The following ANKFN1 variants were observed in gnomAD, a reference collection of about 807,000 sequenced individuals.
ANKFN1 encodes the protein ankyrin repeat and fibronectin type III domain containing 1, also known as ankyrin repeat and fibronectin type-III domain-containing protein 1.
Under a neutral mutation model 108.7 loss-of-function variants are expected in ANKFN1, and 74 were observed. The observed-to-expected ratio is 0.68, with a 90% CI of 0.56 to 0.83. The LOEUF is 0.83. Ranked by LOEUF, ANKFN1 falls within the 40% of genes least tolerant of loss-of-function variation. The pLI, the probability that ANKFN1 is intolerant of heterozygous loss-of-function variation, is 0.00. For missense variants in ANKFN1, 1,505 were observed against 1,382.3 expected (o/e 1.09, Z -1.41); for synonymous variants, 547 against 516.2 (o/e 1.06, Z -0.81).
Position 56,396,782 on chromosome 17 carries a change from G to A in ANKFN1, c.910+22068G>A, listed in dbSNP as rs573835897. Among the ~76,000 whole-genome samples, 25 of 152,072 alleles carry A rather than the reference G, an allele frequency of 1.6e-4. No individual in the cohort carries two copies. In the East Asian group the frequency reaches 4.6e-3, roughly 28 times the overall value. On this transcript the variant is annotated intron_variant, in intron 8 of 20. Coordinates refer to ENST00000682825, the MANE Select transcript of ANKFN1 (RefSeq NM_001370326.1). ...AAGGCAAAGACAAGAACTTGCTGAA[G>A]GTCCCACAGCCAGTATATGCCAGAA...
At chr17:56,346,495 C>T (rs2046103441) in intron 4 of ANKFN1, among the ~76,000 whole-genome samples, 1 of 151,962 alleles carries the variant, frequency 6.6e-6, no homozygotes, top group Non-Finnish European at 1.5e-5. Context: ...GTTTCCAAGA[C>T]TGCCACAGAG....
intron 1 of ANKFN1, among the ~76,000 whole-genome samples, chr17:56,176,461 C>T (rs143575548): frequency 3.9e-5 from 6 of 152,210 alleles, no homozygotes; most frequent in Admixed American, 2.6e-4. Context: ...TGCACGGGAT[C>T]GGAGTGTTTG....
At chr17:56,482,210 G>A (rs377015939) in intron 17 of ANKFN1, 146 bp from the exon 18 acceptor site, 2 of 677,276 alleles carry the variant, frequency 3.0e-6, no homozygotes, top group African/African-American at 3.6e-5. Flanking sequence ...TTATTAAATG[G>A]GCTGAACCCT....
At chr17:56,180,545 A>G (rs965962513) in intron 1 of ANKFN1, among the ~76,000 whole-genome samples, 2 of 152,190 alleles carry the variant, frequency 1.3e-5, no homozygotes, top group Admixed American at 1.3e-4. Flanking sequence ...TTTGGCATCT[A>G]ATTTATAAAA....
chr17:56,092,183 C>T (rs1472721145), intron 4 of ANKFN1, among the ~76,000 whole-genome samples: 1 of 151,096 alleles, frequency 6.6e-6, no homozygotes, highest in Non-Finnish European at 1.5e-5. Context: ...GACCCATCTG[C>T]CTAGAGGAAC....
rs146611968 is a variant in ANKFN1, at chr17:56,158,036, G to A, written c.-71+4506G>A. ...AGCTTTCAGGAATGCTAAATAATCC[G>A]CCAGATGCATCTGCCATGGTGTTTC... On this transcript the variant is annotated intron_variant, in intron 1 of 20. Transcript: ENST00000682825. 4.0e-4 allele frequency among the ~76,000 whole-genome samples: 61 copies of A among 152,230 alleles called. No homozygotes were observed. The East Asian group carries it at 8.5e-3, about 21-fold the overall frequency.
At chr17:56,361,956 A>C (rs930558185) in intron 6 of ANKFN1, among the ~76,000 whole-genome samples, 2 of 152,152 alleles carry the variant, frequency 1.3e-5, no homozygotes, top group African/African-American at 4.8e-5. Context: ...CAGAAGTGAC[A>C]TAGTGTCATT....
At chr17:56,098,860 C>T (rs1259661895) in intron 4 of ANKFN1, among the ~76,000 whole-genome samples, 11 of 113,182 alleles carry the variant, frequency 9.7e-5, no homozygotes, top group Admixed American at 4.4e-4. Flanking sequence ...TGTGTGTGTG[C>T]GTGTGTGCAT....
chr17:56,125,017 C>T (rs993608260), intron 4 of ANKFN1, among the ~76,000 whole-genome samples: 11 of 152,222 alleles, frequency 7.2e-5, no homozygotes, highest in Non-Finnish European at 1.5e-4. Flanking sequence ...CTTCTCCCCA[C>T]TCTTCCCATC....
intron 8 of ANKFN1, among the ~76,000 whole-genome samples, chr17:56,393,078 T>A (rs1039612897): frequency 2.0e-5 from 3 of 152,176 alleles, no homozygotes; most frequent in Admixed American, 6.5e-5. Context: ...TCATTGGCCT[T>A]CATATGGTAT....
At chr17:56,365,152 C>T (rs778365993) in intron 6 of ANKFN1, among the ~76,000 whole-genome samples, 6 of 152,088 alleles carry the variant, frequency 3.9e-5, no homozygotes, top group Non-Finnish European at 7.4e-5. Context: ...TTATTAACTG[C>T]CCAGAGTATA....
chr17:56,411,889 C>T (rs2048101186), intron 8 of ANKFN1, among the ~76,000 whole-genome samples: 2 of 152,118 alleles, frequency 1.3e-5, no homozygotes, highest in Non-Finnish European at 1.5e-5. Context: ...ATTGGGTTCG[C>T]TAGTATTTTC....
rs1598748481 is a variant in ANKFN1, at chr17:56,515,461, A to G, written c.*4192A>G. Reference sequence around the variant, plus strand: ...TTTTAAAATAGCTATTTGGAAAGCAATGGTATCTCTTCATAGGTAATAGGG... The same window carrying G: ...TTTTAAAATAGCTATTTGGAAAGCAGTGGTATCTCTTCATAGGTAATAGGG... On this transcript the variant is annotated 3_prime_UTR_variant, in exon 21 of 21. Coordinates refer to ENST00000682825, the MANE Select transcript of ANKFN1 (RefSeq NM_001370326.1). Among the ~76,000 whole-genome samples the G allele has an allele frequency of 6.6e-6, 1 of 152,324 alleles. No homozygotes were observed. Among genetic ancestry groups the G allele is most frequent in the East Asian group, 1.9e-4 (1 of 5,184 alleles).
At chr17:56,236,414 G>A (rs1359333726) in intron 3 of ANKFN1, among the ~76,000 whole-genome samples, 12 of 152,036 alleles carry the variant, frequency 7.9e-5, no homozygotes, top group Non-Finnish European at 1.5e-5. Flanking sequence ...CACCTCCCTA[G>A]TTAGCTGTAT....
At position 56,457,954 on chromosome 17, in the gene ANKFN1, T is replaced by C; in HGVS notation, c.1532T>C (p.Met511Thr). The change falls in exon 14 of 21, where the codon ATG becomes ACG. Residue 511 changes from methionine to threonine, a missense_variant. Met to Thr is a moderately conservative substitution (Grantham distance 81). Coordinates refer to ENST00000682825, the MANE Select transcript of ANKFN1 (RefSeq NM_001370326.1). ...ACAGTGCTGCAAACTCGGCAGAAGA[T>C]GCTCGCAGCAACAGCACAGCTACAG... ...SSTVLQTRQK[M>T]LAATAQLQNL... 1.2e-6 allele frequency: 2 copies of C among 1,614,126 alleles called. No individual in the cohort carries two copies. The highest frequency in any genetic ancestry group is 1.7e-6 in the Non-Finnish European group (2 of 1,179,994).
At chr17:56,048,588 G>T (rs540824525) in intron 4 of ANKFN1, among the ~76,000 whole-genome samples, 1 of 152,156 alleles carries the variant, frequency 6.6e-6, no homozygotes. Context: ...CTCAGGACAG[G>T]CCTGCAGCTT....
intron 1 of ANKFN1, chr17:56,174,475 A>G (rs1326982640): frequency 4.3e-6 from 4 of 937,358 alleles, no homozygotes; most frequent in Non-Finnish European, 3.8e-6. Context: ...GACCTGGTGC[A>G]ATTACTTGTG....
chr17:56,090,023 G>A (rs1905383129), intron 4 of ANKFN1, among the ~76,000 whole-genome samples: 2 of 151,460 alleles, frequency 1.3e-5, no homozygotes, highest in Non-Finnish European at 2.9e-5. Flanking sequence ...GGATATCAGG[G>A]AAAGATTTGT....
intron 3 of ANKFN1, among the ~76,000 whole-genome samples, chr17:56,265,794 T>C (rs1381866295): frequency 6.6e-6 from 1 of 152,212 alleles, no homozygotes; most frequent in African/African-American, 2.4e-5. Flanking sequence ...ACAATGCAAA[T>C]GCTATATAAG....
Sources: allele counts gnomAD v4.1 joint callset (sites outside exome capture counted in the v4.1 genomes callset), GRCh38; gene constraint gnomAD v4.1.1; transcripts MANE v1.5; gene names NCBI Gene and HGNC (gene_info 2026-07-23, HGNC 2026-07-21).